NEK10: variants seen among roughly 807,000 people sequenced by gnomAD.
NEK10 encodes the protein serine/threonine-protein kinase Nek10.
NEK10 carries 122 observed loss-of-function variants against 159.8 expected under a neutral mutation model. That is an observed-to-expected ratio of 0.76 (90% CI 0.66 to 0.89). The LOEUF (loss-of-function observed/expected upper bound fraction) is 0.89, where lower values mean the gene tolerates loss of function less well. Among genes scored for constraint, NEK10 ranks in the 40% least tolerant of loss-of-function variants. The pLI is 0.00. For synonymous variants in NEK10, 466 were observed against 457.1 expected (o/e 1.02, Z -0.25); for missense variants, 1,342 against 1,323.1 (o/e 1.01, Z -0.22).
rs1461277157 is a variant in NEK10, at chr3:27,110,615, G to A, written c.*657C>T. 6.6e-6 allele frequency: 1 copy of A among 152,032 alleles called. No homozygotes were observed. Among genetic ancestry groups the A allele is most frequent in the Non-Finnish European group, 1.5e-5 (1 of 68,044 alleles). The allele number at this position is 152,032 out of a possible 1,614,324, so 9.4% of individuals were successfully genotyped here. ...CTATTAGTCTAAGTTAAATCTGACAGTTTGACAGTTACCCCCAGAGGCTGT... is the reference window on the plus strand; with the variant it reads ...CTATTAGTCTAAGTTAAATCTGACAATTTGACAGTTACCCCCAGAGGCTGT... On this transcript the variant is annotated 3_prime_UTR_variant, in exon 36 of 36. Transcript: ENST00000691995.
At chr3:27,272,275 G>A (rs1015860757) in intron 22 of NEK10, among the ~76,000 whole-genome samples, 2 of 152,122 alleles carry the variant, frequency 1.3e-5, no homozygotes, top group Admixed American at 6.5e-5. Context: ...TCCCACCCAA[G>A]ACTGGGCTCA....
At chr3:27,259,030 T>A (rs954508501) in intron 22 of NEK10, among the ~76,000 whole-genome samples, 2 of 152,124 alleles carry the variant, frequency 1.3e-5, no homozygotes, top group African/African-American at 4.8e-5. Flanking sequence ...TTGAGAAGTG[T>A]CTGTTTATAT....
intron 13 of NEK10, among the ~76,000 whole-genome samples, chr3:27,300,606 T>C (rs2043737025): frequency 6.6e-6 from 1 of 152,150 alleles, no homozygotes; most frequent in Non-Finnish European, 1.5e-5. Flanking sequence ...GTAGGCTATA[T>C]TTCCAGTTCT....
At chr3:27,170,519 G>A (rs1946876026) in intron 29 of NEK10, among the ~76,000 whole-genome samples, 1 of 152,114 alleles carries the variant, frequency 6.6e-6, no homozygotes, top group African/African-American at 2.4e-5. Flanking sequence ...ATCTCCAGAG[G>A]TCAGGAGTTC....
rs1050079246 is a variant in NEK10, at chr3:27,258,832, C to A, written c.2015-2461G>T. Among the ~76,000 whole-genome samples the A allele has an allele frequency of 3.0e-4, 45 of 152,278 alleles. 1 individual carries two copies. Among genetic ancestry groups the A allele is most frequent in the African/African-American group, 1.0e-3 (43 of 41,564 alleles). ...ATGGTTGAACTAGTTTACAGTCCCA[C>A]CAACAGTGTAAAAGTGTTCCTATTT... On this transcript the variant is annotated intron_variant, in intron 22 of 35. Transcript: ENST00000691995.
At chr3:27,290,817 G>C in intron 18 of NEK10, 63 bp from the exon 19 acceptor site, 1 of 1,271,558 alleles carries the variant, frequency 7.9e-7, no homozygotes, top group Non-Finnish European at 1.1e-6. Context: ...AAGAGAGAAA[G>C]AGGAAGAAAG....
chr3:27,339,877 T>TG (rs1421832621), intron 5 of NEK10, among the ~76,000 whole-genome samples: 1 of 151,844 alleles, frequency 6.6e-6, no homozygotes, highest in Non-Finnish European at 1.5e-5. Flanking sequence ...GGCGAGGTTG[T>TG]GGAGAAATAG....
chr3:27,298,487 T>C (rs1367461814), intron 13 of NEK10, among the ~76,000 whole-genome samples: 1 of 152,218 alleles, frequency 6.6e-6, no homozygotes, highest in East Asian at 1.9e-4. Context: ...GGTATGTCTT[T>C]ATCAGCAGCA....
At chr3:27,167,148 C>T (rs1279376076) in intron 29 of NEK10, among the ~76,000 whole-genome samples, 7 of 151,490 alleles carry the variant, frequency 4.6e-5, no homozygotes, top group East Asian at 1.9e-4. Flanking sequence ...ATCTGGTTGC[C>T]GGAGCAACAG....
intron 25 of NEK10, among the ~76,000 whole-genome samples, chr3:27,199,102 AT>A (rs1182114281): frequency 5.3e-5 from 8 of 151,426 alleles, no homozygotes; most frequent in Admixed American, 5.3e-4. Context: ...AAAAGACAAA[AT>A]TGACAAGTGG....
At chr3:27,114,147 C>T (rs1940025033) in intron 35 of NEK10, among the ~76,000 whole-genome samples, 1 of 152,196 alleles carries the variant, frequency 6.6e-6, no homozygotes, top group African/African-American at 2.4e-5. Flanking sequence ...CCTTCTTTAA[C>T]TTTCTTTACA....
intron 11 of NEK10, among the ~76,000 whole-genome samples, chr3:27,307,033 G>A (rs1267252153): frequency 6.6e-6 from 1 of 152,158 alleles, no homozygotes; most frequent in East Asian, 1.9e-4. Context: ...AGTACCCTGT[G>A]CATCTGTCTA....
chr3:27,160,834 A>T lies in NEK10; in HGVS notation c.2869+1867T>A, dbSNP rs575662159. 3.3e-5 allele frequency among the ~76,000 whole-genome samples: 5 copies of T among 152,300 alleles called. No homozygotes were observed. The South Asian group carries it at 8.3e-4, about 25-fold the overall frequency. On this transcript the variant is annotated intron_variant, in intron 30 of 35. Coordinates refer to ENST00000691995, the MANE Select transcript of NEK10 (RefSeq NM_001394966.1). ...GGCAGGAGAATTGCCTGAACCCAGG[A>T]GGAGGAGGCTTCAGTGAGCTGAGAT... is the stretch of plus-strand genomic sequence containing the variant.
rs547482489 is a variant in NEK10 at position 27,364,472 on chromosome 3, C to A, written c.-38+4753G>T. On this transcript the variant is annotated intron_variant, in intron 1 of 35. Transcript: ENST00000691995. ...CAAAGTCCTGACCTCAGCTGATCCA[C>A]CCGCCTTGGCCTCCCGAAGTGCTGG... Among the ~76,000 whole-genome samples, 241 of 152,046 alleles carry A rather than the reference C, an allele frequency of 1.6e-3. 1 individual carries two copies. The highest frequency in any genetic ancestry group is 5.6e-3 in the African/African-American group (231 of 41,466).
At chr3:27,221,518 G>A (rs1042763051) in intron 23 of NEK10, among the ~76,000 whole-genome samples, 1 of 152,200 alleles carries the variant, frequency 6.6e-6, no homozygotes, top group African/African-American at 2.4e-5. Flanking sequence ...AATGGAAAAT[G>A]GTGCAGTCAC....
chr3:27,156,947 T>G (rs1223635009), intron 30 of NEK10, among the ~76,000 whole-genome samples: 1 of 108,340 alleles, frequency 9.2e-6, no homozygotes, highest in Non-Finnish European at 1.9e-5. Context: ...TATATATATA[T>G]ATATATATAT....
At position 27,308,948 on chromosome 3, in the gene NEK10, C is replaced by T; in HGVS notation, c.694G>A (p.Ala232Thr). Residue 232 changes from alanine to threonine, a missense_variant, in exon 10 of 36, where the codon GCT becomes ACT. By Grantham distance (58) the Ala-to-Thr change is moderately conservative (BLOSUM62 0). Coordinates refer to ENST00000691995, the MANE Select transcript of NEK10 (RefSeq NM_001394966.1). Reference protein sequence around the residue: ...DTNVLLGSLLALASLAESQEC... With the variant: ...DTNVLLGSLLTLASLAESQEC... ...TACCTTTCTGCTAAACTAGCCAGAG[C>T]CAGAAGGGAACCCAATAGAACATTA... 6.3e-7 allele frequency: 1 copy of T among 1,595,530 alleles called. No homozygotes were observed. The highest frequency in any genetic ancestry group is 8.6e-7 in the Non-Finnish European group (1 of 1,164,766).
chr3:27,305,478 C>A (rs2044166930), intron 11 of NEK10, among the ~76,000 whole-genome samples: 1 of 151,882 alleles, frequency 6.6e-6, no homozygotes, highest in African/African-American at 2.4e-5. Flanking sequence ...GAGCCGAGGT[C>A]ACTTGCCACT....
At chr3:27,351,539 C>T (rs999478136) in intron 3 of NEK10, among the ~76,000 whole-genome samples, 2 of 152,070 alleles carry the variant, frequency 1.3e-5, no homozygotes, top group African/African-American at 2.4e-5. Context: ...GGTAAAGCAG[C>T]GGGCACATAG....
Sources: gnomAD v4.1 joint callset for allele counts (sites outside exome capture counted in the v4.1 genomes callset) on GRCh38, gnomAD v4.1.1 for gene constraint, MANE v1.5 for transcripts, NCBI Gene and HGNC (gene_info 2026-07-23, HGNC 2026-07-21) for gene names.